Variants in CACNB2 observed in about 807,000 individuals in gnomAD.
CACNB2 encodes the protein calcium voltage-gated channel auxiliary subunit beta 2, also known as voltage-dependent L-type calcium channel subunit beta-2.
In CACNB2, 42 loss-of-function variants were observed where a neutral mutation model predicts 73.3. The ratio of observed to expected loss-of-function variants is 0.57; its 90% CI spans 0.45 to 0.74. CACNB2 has a LOEUF of 0.74. Among genes scored for constraint, CACNB2 ranks in the 30% least tolerant of loss-of-function variants. CACNB2 has a pLI of 0.00. For missense variants in CACNB2, 940 were observed against 853.0 expected, an observed-to-expected ratio of 1.10 and a Z score of -1.27; for synonymous variants, 348 against 310.3, an observed-to-expected ratio of 1.12 and a Z score of -1.28.
intron 3 of CACNB2, among the ~76,000 whole-genome samples, chr10:18,442,984 A>ATATATG (rs2046527678): frequency 1.0e-4 from 2 of 19,298 alleles, no homozygotes; most frequent in Non-Finnish European, 1.6e-4. Flanking sequence ...ATATATATAT[A>ATATATG]TGTATATATA....
At chr10:18,523,781 T>C (rs1431998231) in intron 9 of CACNB2, among the ~76,000 whole-genome samples, 5 of 152,210 alleles carry the variant, frequency 3.3e-5, no homozygotes, top group Non-Finnish European at 5.9e-5. Context: ...CATATGACAT[T>C]CTAAAAGGGA....
rs556518245 is a variant in CACNB2 at position 18,541,951 on chromosome 10, C to G, written c.*2227C>G. The G allele has an allele frequency of 6.6e-6, 1 of 152,080 alleles. No individual in the cohort carries two copies. The highest frequency in any genetic ancestry group is 1.5e-5 in the Non-Finnish European group (1 of 68,000). 9.4% of individuals were successfully genotyped at this position (152,080 alleles called of 1,614,324 possible). ...TTTGCTTCCTTGATTATTCCAAGTT[C>G]TTACCAAATATTCTTAGCCTTTTAT... On this transcript the variant is annotated 3_prime_UTR_variant, in exon 14 of 14. Transcript: ENST00000324631.
chr10:18,348,143 C>A (rs1434764696), intron 2 of CACNB2, among the ~76,000 whole-genome samples: 1 of 152,094 alleles, frequency 6.6e-6, no homozygotes, highest in Non-Finnish European at 1.5e-5. Context: ...GACGAAATTG[C>A]CACTTACTTG....
At chr10:18,439,358 G>A (rs1431233447) in intron 3 of CACNB2, among the ~76,000 whole-genome samples, 1 of 152,160 alleles carries the variant, frequency 6.6e-6, no homozygotes, top group African/African-American at 2.4e-5. Context: ...TTCTGTTCCT[G>A]GTACAGCAGA....
chr10:18,489,390 CAAAAA>C (rs66974116), intron 3 of CACNB2, among the ~76,000 whole-genome samples: 30 of 59,788 alleles, frequency 5.0e-4, no homozygotes, highest in African/African-American at 1.9e-3. Flanking sequence ...AACTCCATCT[CAAAAA>C]AAAAAAAAAA....
At chr10:18,328,602 A>T (rs1481420262) in intron 2 of CACNB2, among the ~76,000 whole-genome samples, 1 of 152,214 alleles carries the variant, frequency 6.6e-6, no homozygotes, top group African/African-American at 2.4e-5. Flanking sequence ...GGTTCAATTC[A>T]CATCATCAAA....
At chr10:18,305,897 G>A (rs533799460) in intron 2 of CACNB2, among the ~76,000 whole-genome samples, 2 of 152,154 alleles carry the variant, frequency 1.3e-5, no homozygotes, top group Non-Finnish European at 2.9e-5. Context: ...GAGCCCAGGA[G>A]TTGGAGGCTG....
chr10:18,149,688 G>A (rs1383499434), intron 1 of CACNB2, among the ~76,000 whole-genome samples: 1 of 152,270 alleles, frequency 6.6e-6, no homozygotes, highest in Middle Eastern at 3.4e-3. Flanking sequence ...TTGAGAACCT[G>A]AATGTGATGA....
chr10:18,179,651 C>A (rs910515910), intron 2 of CACNB2, among the ~76,000 whole-genome samples: 4 of 151,420 alleles, frequency 2.6e-5, no homozygotes, highest in African/African-American at 9.7e-5. Flanking sequence ...CTTAATTTAG[C>A]ACTGTGTGCT....
intron 2 of CACNB2, among the ~76,000 whole-genome samples, chr10:18,285,105 G>T (rs2038728928): frequency 6.6e-6 from 1 of 152,140 alleles, no homozygotes; most frequent in African/African-American, 2.4e-5. Context: ...AGATATGTAT[G>T]GTAGTCTTAC....
chr10:18,465,496 G>GT (rs1377052807), intron 3 of CACNB2, among the ~76,000 whole-genome samples: 2 of 152,112 alleles, frequency 1.3e-5, no homozygotes, highest in Non-Finnish European at 2.9e-5. Context: ...CGCAGGTTGA[G>GT]TTTTTGGAGC....
At chr10:18,312,985 T>C (rs376063029) in intron 2 of CACNB2, among the ~76,000 whole-genome samples, 34 of 152,300 alleles carry the variant, frequency 2.2e-4, no homozygotes, top group African/African-American at 6.5e-4. Flanking sequence ...GTGCTAATAA[T>C]AGCACTGACA....
At chr10:18,287,703 C>T (rs1415306183) in intron 2 of CACNB2, among the ~76,000 whole-genome samples, 2 of 151,968 alleles carry the variant, frequency 1.3e-5, no homozygotes, top group Non-Finnish European at 2.9e-5. Flanking sequence ...ATACAAAAAT[C>T]GGCTGGGCAC....
chr10:18,169,292 C>A (rs12261030), intron 2 of CACNB2, among the ~76,000 whole-genome samples: 6,090 of 152,024 alleles, frequency 0.04, 404 homozygotes, highest in African/African-American at 0.14. Flanking sequence ...ATGAGTAATT[C>A]TTTTGTTCAG....
intron 2 of CACNB2, among the ~76,000 whole-genome samples, chr10:18,220,823 T>A (rs190731261): frequency 1.4e-4 from 21 of 152,260 alleles, no homozygotes; most frequent in African/African-American, 5.1e-4. Context: ...TGTCTGATGA[T>A]CTGAGGTGGA....
chr10:18,470,617 C>G (rs550567112), intron 3 of CACNB2, among the ~76,000 whole-genome samples: 3 of 152,002 alleles, frequency 2.0e-5, no homozygotes, highest in South Asian at 4.2e-4. Flanking sequence ...TTGCATGGAG[C>G]CTTTGCATAC....
At chr10:18,439,356 C>T (rs1359194992) in intron 3 of CACNB2, among the ~76,000 whole-genome samples, 1 of 152,166 alleles carries the variant, frequency 6.6e-6, no homozygotes, top group Non-Finnish European at 1.5e-5. Flanking sequence ...TTTTCTGTTC[C>T]TGGTACAGCA....
intron 2 of CACNB2, among the ~76,000 whole-genome samples, chr10:18,340,223 A>AT (rs1427519103): frequency 6.6e-6 from 1 of 152,132 alleles, no homozygotes; most frequent in Non-Finnish European, 1.5e-5. Flanking sequence ...TGTGTTTATT[A>AT]TTTCAATGTT....
At chr10:18,187,744 T>A (rs2034217215) in intron 2 of CACNB2, among the ~76,000 whole-genome samples, 1 of 152,244 alleles carries the variant, frequency 6.6e-6, no homozygotes, top group Non-Finnish European at 1.5e-5. Context: ...ATTCAGTTAC[T>A]TAACGTGGTG....
Sources: gnomAD v4.1 joint callset for allele counts (sites outside exome capture counted in the v4.1 genomes callset) on GRCh38, gnomAD v4.1.1 for gene constraint, MANE v1.5 for transcripts, NCBI Gene and HGNC (gene_info 2026-07-23, HGNC 2026-07-21) for gene names.